Variants in KCNK2 observed in about 807,000 individuals in gnomAD.
KCNK2 encodes the protein potassium channel subfamily K member 2.
In KCNK2, 21 loss-of-function variants were observed where a neutral mutation model predicts 40.5. That is an observed-to-expected ratio of 0.52 (90% CI 0.37 to 0.75). KCNK2 has a LOEUF of 0.75. Among genes scored for constraint, KCNK2 ranks in the 30% least tolerant of loss-of-function variants. KCNK2 has a pLI of 0.00. For missense variants in KCNK2, 399 were observed against 531.6 expected, an observed-to-expected ratio of 0.75 and a Z score of 2.45; for synonymous variants, 191 against 202.2, an observed-to-expected ratio of 0.94 and a Z score of 0.47.
At chr1:215,161,236 G>T (rs1314775322) in intron 3 of KCNK2, among the ~76,000 whole-genome samples, 1 of 151,982 alleles carries the variant, frequency 6.6e-6, no homozygotes, top group African/African-American at 2.4e-5. Context: ...TTTATCTGCT[G>T]CAACTCTCAC....
intron 3 of KCNK2, among the ~76,000 whole-genome samples, chr1:215,163,886 G>A (rs934057389): frequency 7.2e-5 from 11 of 151,850 alleles, no homozygotes; most frequent in Non-Finnish European, 1.0e-4. Context: ...TTTTTTTGGC[G>A]TTGTTGTGTC....
chr1:215,217,150 T>C (rs1172690004), intron 6 of KCNK2, among the ~76,000 whole-genome samples: 1 of 152,216 alleles, frequency 6.6e-6, no homozygotes, highest in African/African-American at 2.4e-5. Flanking sequence ...CCTGGGTATT[T>C]CATTTTATCC....
intron 1 of KCNK2, among the ~76,000 whole-genome samples, chr1:215,049,988 G>A (rs568359911): frequency 1.1e-4 from 17 of 152,106 alleles, no homozygotes; most frequent in Non-Finnish European, 2.1e-4. Context: ...TTATCCTAGA[G>A]CCTGTGCCTT....
At chr1:215,088,387 A>G (rs1157219122) in intron 2 of KCNK2, among the ~76,000 whole-genome samples, 1 of 152,182 alleles carries the variant, frequency 6.6e-6, no homozygotes, top group Non-Finnish European at 1.5e-5. Context: ...AGGAAAGAGT[A>G]TCTATCAAGT....
At chr1:215,119,846 G>T (rs1661103219) in intron 2 of KCNK2, among the ~76,000 whole-genome samples, 1 of 152,142 alleles carries the variant, frequency 6.6e-6, no homozygotes, top group East Asian at 1.9e-4. Context: ...GACACACCCA[G>T]AAACAGTTCT....
At chr1:215,063,672 C>T (rs192380965) in intron 1 of KCNK2, among the ~76,000 whole-genome samples, 14 of 152,294 alleles carry the variant, frequency 9.2e-5, no homozygotes, top group African/African-American at 2.9e-4. Flanking sequence ...TCCTCTCTCG[C>T]TCAGACTCCT....
chr1:215,164,728 C>T (rs1048927414), intron 3 of KCNK2, among the ~76,000 whole-genome samples: 2 of 152,090 alleles, frequency 1.3e-5, no homozygotes, highest in African/African-American at 2.4e-5. Flanking sequence ...GGTCACTTAT[C>T]GTGTGCAGCA....
rs559034524 is a variant in KCNK2, at chr1:215,094,943, T to A, written c.357+8265T>A. On this transcript the variant is annotated intron_variant, in intron 2 of 6. Transcript: ENST00000444842. ...GTAAATTTTCGTATATTTCAAAATA[T>A]TTTTTGGCAGAAAACTTATTTAGTC... 2.6e-5 allele frequency among the ~76,000 whole-genome samples: 4 copies of A among 152,192 alleles called. No homozygotes were observed. The South Asian group carries it at 8.3e-4, about 32-fold the overall frequency.
chr1:215,108,059 A>G (rs962180866), intron 2 of KCNK2, among the ~76,000 whole-genome samples: 12 of 152,094 alleles, frequency 7.9e-5, no homozygotes, highest in Admixed American at 7.2e-4. Context: ...AGATTCTCAC[A>G]AGGAGCACAC....
At chr1:215,217,413 G>A (rs1384296972) in intron 6 of KCNK2, among the ~76,000 whole-genome samples, 1 of 152,198 alleles carries the variant, frequency 6.6e-6, no homozygotes, top group Non-Finnish European at 1.5e-5. Context: ...AACCAATGGA[G>A]CATGTGTTTA....
chr1:215,115,981 C>T (rs1180448079), intron 2 of KCNK2, among the ~76,000 whole-genome samples: 1 of 148,292 alleles, frequency 6.7e-6, no homozygotes, highest in Non-Finnish European at 1.5e-5. Flanking sequence ...TTCTATACAC[C>T]ACTGTGCTCA....
At chr1:215,061,835 C>T (rs1443077886) in intron 1 of KCNK2, among the ~76,000 whole-genome samples, 2 of 151,974 alleles carry the variant, frequency 1.3e-5, no homozygotes, top group Admixed American at 6.5e-5. Flanking sequence ...ACTGAGATTC[C>T]ATGGCTCAGG....
At chr1:215,207,416 C>T (rs771784280) in intron 6 of KCNK2, among the ~76,000 whole-genome samples, 19 of 152,174 alleles carry the variant, frequency 1.2e-4, no homozygotes, top group Non-Finnish European at 2.4e-4. Flanking sequence ...CAGCTCTGTC[C>T]GTGGAAAAGT....
chr1:215,175,230 T>C (rs181008463), intron 5 of KCNK2, among the ~76,000 whole-genome samples: 20 of 152,294 alleles, frequency 1.3e-4, no homozygotes, highest in Admixed American at 1.2e-3. Flanking sequence ...GGTAATCAGG[T>C]TACCTACTGA....
chr1:215,081,747 G>A (rs1284734081), upstream of KCNK2: 3 of 152,170 alleles, frequency 2.0e-5, no homozygotes, highest in African/African-American at 7.2e-5. Context: ...GAGAAAGTGG[G>A]AAGGAAGAGA....
intron 3 of KCNK2, among the ~76,000 whole-genome samples, chr1:215,129,747 A>T (rs1661584047): frequency 6.6e-6 from 1 of 152,184 alleles, no homozygotes; most frequent in Non-Finnish European, 1.5e-5. Flanking sequence ...AGGCAGCAAG[A>T]TCATGTAGGA....
At chr1:215,079,838 G>A (rs1047242101), upstream of KCNK2, among the ~76,000 whole-genome samples, 5 of 152,166 alleles carry the variant, frequency 3.3e-5, no homozygotes, top group African/African-American at 9.7e-5. Context: ...GCTTTTAACG[G>A]GGGCAGACTG....
chr1:215,185,113 A>G (rs1664380913), intron 5 of KCNK2, among the ~76,000 whole-genome samples: 1 of 134,800 alleles, frequency 7.4e-6, no homozygotes, highest in East Asian at 2.1e-4. Flanking sequence ...TTATATTGTT[A>G]CCCATCTTCA....
intron 4 of KCNK2, 100 bp from the exon 5 acceptor site, chr1:215,171,897 G>A: frequency 1.2e-6 from 1 of 828,422 alleles, no homozygotes; most frequent in South Asian, 2.4e-5. Context: ...GGGTATACAA[G>A]TAATTTCTCT....
Sources: allele counts gnomAD v4.1 joint callset (sites outside exome capture counted in the v4.1 genomes callset), GRCh38; gene constraint gnomAD v4.1.1; transcripts MANE v1.5; gene names NCBI Gene and HGNC (gene_info 2026-07-23, HGNC 2026-07-21).